The following CBFA2T2 variants were observed in gnomAD, a reference collection of about 807,000 sequenced individuals.
CBFA2T2 encodes protein CBFA2T2.
Under a neutral mutation model 62.2 loss-of-function variants are expected in CBFA2T2, and 11 were observed. That is an observed-to-expected ratio of 0.18 (90% CI 0.11 to 0.29). CBFA2T2 has a LOEUF of 0.29. Among genes scored for constraint, CBFA2T2 ranks in the 10% least tolerant of loss-of-function variants. CBFA2T2 has a pLI of 1.00. For synonymous variants in CBFA2T2, 295 were observed against 287.5 expected (o/e 1.03, Z -0.27); for missense variants, 592 against 774.1 (o/e 0.76, Z 2.79).
At chr20:33,583,878 A>G (rs1339433695) in intron 1 of CBFA2T2, among the ~76,000 whole-genome samples, 1 of 152,174 alleles carries the variant, frequency 6.6e-6, no homozygotes, top group African/African-American at 2.4e-5. Context: ...TCTTGATTGC[A>G]TACCTTCACC....
chr20:33,535,282 G>A (rs1411771547), intron 1 of CBFA2T2, among the ~76,000 whole-genome samples: 1 of 152,098 alleles, frequency 6.6e-6, no homozygotes, highest in East Asian at 1.9e-4. Flanking sequence ...ACAAATTTGA[G>A]TCAATATTTA....
chr20:33,490,659 G>A (rs139452919), intron 1 of CBFA2T2, among the ~76,000 whole-genome samples: 210 of 152,330 alleles, frequency 1.4e-3, no homozygotes, highest in African/African-American at 4.8e-3. Flanking sequence ...TACTACACCC[G>A]CCCGATGTTG....
chr20:33,644,810 G>A lies in CBFA2T2; in HGVS notation c.*164G>A, dbSNP rs2016993425. Reference sequence around the variant, plus strand: ...AATAATAACACCCCACAGCCTCTCTGTGCACTTGCTGTCTGCGGAGCCAGT... The same window carrying A: ...AATAATAACACCCCACAGCCTCTCTATGCACTTGCTGTCTGCGGAGCCAGT... On this transcript the variant is annotated 3_prime_UTR_variant, in exon 11 of 11. Transcript: ENST00000342704. The A allele has an allele frequency of 2.8e-6, 2 of 720,082 alleles. No individual in the cohort carries two copies. Among genetic ancestry groups the A allele is most frequent in the Non-Finnish European group, 4.5e-6 (2 of 448,826 alleles). The allele number at this position is 720,082 out of a possible 1,614,324, so 44.6% of individuals were successfully genotyped here.
chr20:33,531,245 C>G (rs2012052400), intron 1 of CBFA2T2, among the ~76,000 whole-genome samples: 1 of 152,050 alleles, frequency 6.6e-6, no homozygotes. Flanking sequence ...CTTCTTCAGT[C>G]CAAGGTGGAA....
At chr20:33,565,093 G>C (rs997397476) in intron 1 of CBFA2T2, among the ~76,000 whole-genome samples, 3 of 151,938 alleles carry the variant, frequency 2.0e-5, no homozygotes, top group Non-Finnish European at 4.4e-5. Flanking sequence ...CTAATTTTTT[G>C]TATTTTTAGT....
chr20:33,629,045 C>G (rs1032229994), intron 7 of CBFA2T2, among the ~76,000 whole-genome samples: 1 of 152,228 alleles, frequency 6.6e-6, no homozygotes, highest in South Asian at 2.1e-4. Context: ...GCAGGAGGAT[C>G]TCTTAAGCCC....
At chr20:33,506,115 G>T (rs2146851175) in intron 1 of CBFA2T2, among the ~76,000 whole-genome samples, 1 of 152,046 alleles carries the variant, frequency 6.6e-6, no homozygotes, top group South Asian at 2.1e-4. Context: ...AAAAAGAAAA[G>T]AAATAGAAGG....
At chr20:33,569,729 T>A (rs1226506261) in intron 1 of CBFA2T2, among the ~76,000 whole-genome samples, 1 of 152,242 alleles carries the variant, frequency 6.6e-6, no homozygotes, top group Admixed American at 6.5e-5. Context: ...ATCTTGAGTT[T>A]ACAGCATTTT....
chr20:33,598,438 C>T (rs2014982083), intron 1 of CBFA2T2, among the ~76,000 whole-genome samples: 1 of 152,142 alleles, frequency 6.6e-6, no homozygotes, highest in African/African-American at 2.4e-5. Flanking sequence ...GATATTTCTC[C>T]CATTTGCTTT....
In CBFA2T2 at chr20:33,619,519, C is replaced by T; in HGVS notation, c.423C>T (p.Asn141=). 6.3e-7 allele frequency: 1 copy of T among 1,587,766 alleles called. No homozygotes were observed. The change falls in exon 4 of 11, where the codon AAC becomes AAT. Residue 141 remains asparagine (N), a splice_region_variant and synonymous_variant. Coordinates refer to ENST00000342704, the MANE Select transcript of CBFA2T2 (RefSeq NM_001032999.3). Reference sequence around the variant, plus strand: ...AACAAGGTTATTTATCTTTTCAGAACTCAACAGTGACAATTGAGGAATTCC... The same window carrying T: ...AACAAGGTTATTTATCTTTTCAGAATTCAACAGTGACAATTGAGGAATTCC... The part of the protein sequence containing the change: ...KVRTLVLALV[N]STVTIEEFHC...
chr20:33,495,921 A>G (rs1479414253), intron 1 of CBFA2T2, among the ~76,000 whole-genome samples: 1 of 152,216 alleles, frequency 6.6e-6, no homozygotes, highest in Non-Finnish European at 1.5e-5. Flanking sequence ...TAATATATGT[A>G]AAGTACTTAA....
At chr20:33,517,981 C>G (rs190170361) in intron 1 of CBFA2T2, among the ~76,000 whole-genome samples, 2 of 151,736 alleles carry the variant, frequency 1.3e-5, no homozygotes, top group Non-Finnish European at 2.9e-5. Flanking sequence ...CAGAGTCTCT[C>G]TCTGTCACCC....
At chr20:33,591,924 GCTCCAGAAT>G (rs2014664391) in intron 1 of CBFA2T2, among the ~76,000 whole-genome samples, 1 of 152,084 alleles carries the variant, frequency 6.6e-6, no homozygotes, top group African/African-American at 2.4e-5. Context: ...TTCCAAAAAC[GCTCCAGAAT>G]CTCTAGATAT....
intron 1 of CBFA2T2, among the ~76,000 whole-genome samples, chr20:33,559,335 G>T (rs572747000): frequency 6.6e-6 from 1 of 151,876 alleles, no homozygotes; most frequent in South Asian, 2.1e-4. Context: ...CAGCATGCCT[G>T]GCTAATTTTT....
chr20:33,590,380 A>G (rs1049253856), intron 1 of CBFA2T2, among the ~76,000 whole-genome samples: 3 of 152,172 alleles, frequency 2.0e-5, no homozygotes, highest in Non-Finnish European at 2.9e-5. Context: ...GGGCTTAATT[A>G]GCGGCAACTC....
At chr20:33,622,036 G>A (rs927180898) in intron 4 of CBFA2T2, among the ~76,000 whole-genome samples, 2 of 151,990 alleles carry the variant, frequency 1.3e-5, no homozygotes, top group Non-Finnish European at 1.5e-5. Context: ...ATTCATCATG[G>A]GACACATGTC....
At chr20:33,570,930 G>A (rs2013536459) in intron 1 of CBFA2T2, among the ~76,000 whole-genome samples, 1 of 152,180 alleles carries the variant, frequency 6.6e-6, no homozygotes, top group Non-Finnish European at 1.5e-5. Flanking sequence ...CCCAAGTAGA[G>A]AAGCATGGCA....
intron 1 of CBFA2T2, among the ~76,000 whole-genome samples, chr20:33,573,534 T>C (rs908690119): frequency 1.5e-4 from 23 of 152,064 alleles, no homozygotes; most frequent in Non-Finnish European, 2.6e-4. Context: ...CAGGCTGAAG[T>C]GCAGTGGCGT....
At chr20:33,583,041 C>G (rs1027422723) in intron 1 of CBFA2T2, among the ~76,000 whole-genome samples, 1 of 152,042 alleles carries the variant, frequency 6.6e-6, no homozygotes, top group African/African-American at 2.4e-5. Context: ...CATACTCTTT[C>G]CATTTTATTT....
Sources: allele counts gnomAD v4.1 joint callset (sites outside exome capture counted in the v4.1 genomes callset), GRCh38; gene constraint gnomAD v4.1.1; transcripts MANE v1.5; gene names NCBI Gene and HGNC (gene_info 2026-07-23, HGNC 2026-07-21).